ZNF385B: variants seen among roughly 807,000 people sequenced by gnomAD.
The protein encoded by ZNF385B is zinc finger protein 533.
In ZNF385B, 23 loss-of-function variants were observed where a neutral mutation model predicts 39.2. The observed-to-expected ratio is 0.59, with a 90% CI of 0.42 to 0.83. The LOEUF (loss-of-function observed/expected upper bound fraction) is 0.83. ZNF385B is among the 40% of genes least tolerant of loss of function. The probability of loss-of-function intolerance (pLI) is 0.00; values close to 1 mark genes in which losing one functional copy is unlikely to be tolerated. For missense variants in ZNF385B, 552 were observed against 598.9 expected (o/e 0.92, Z 0.82); for synonymous variants, 205 against 222.6 (o/e 0.92, Z 0.70).
intron 3 of ZNF385B, among the ~76,000 whole-genome samples, chr2:179,594,380 TTTAG>T (rs1687820257): frequency 6.6e-6 from 1 of 152,196 alleles, no homozygotes; most frequent in African/African-American, 2.4e-5. Flanking sequence ...AGTATGCTAA[TTTAG>T]TCATGGTCAA....
intron 1 of ZNF385B, among the ~76,000 whole-genome samples, chr2:179,811,641 A>T (rs896093838): frequency 7.9e-5 from 12 of 152,188 alleles, no homozygotes; most frequent in African/African-American, 2.9e-4. Context: ...AACATGTACA[A>T]AAATTAACAC....
chr2:179,822,155 A>G (rs928080829), intron 1 of ZNF385B, among the ~76,000 whole-genome samples: 3 of 152,190 alleles, frequency 2.0e-5, no homozygotes, highest in African/African-American at 7.2e-5. Flanking sequence ...TTAAGGCAAT[A>G]AGTTAAATAG....
At chr2:179,770,053 C>T (rs187938367) in intron 2 of ZNF385B, among the ~76,000 whole-genome samples, 4 of 152,236 alleles carry the variant, frequency 2.6e-5, no homozygotes. Flanking sequence ...ATCCTTGCCC[C>T]TCTTCCCATC....
intron 3 of ZNF385B, among the ~76,000 whole-genome samples, chr2:179,719,351 C>T (rs981766451): frequency 6.6e-6 from 1 of 152,194 alleles, no homozygotes; most frequent in Non-Finnish European, 1.5e-5. Context: ...TTTCAGTGCT[C>T]CCTGCACCCA....
At chr2:179,557,252 T>C (rs2060968013) in intron 3 of ZNF385B, among the ~76,000 whole-genome samples, 1 of 149,446 alleles carries the variant, frequency 6.7e-6, no homozygotes, top group Non-Finnish European at 1.5e-5. Context: ...CATTACCTTC[T>C]TTAAAAATTC....
In ZNF385B at chr2:179,627,023, T is replaced by A. The variant is rs182762698; in HGVS notation, c.299-82054A>T. 1.7e-3 allele frequency among the ~76,000 whole-genome samples: 256 copies of A among 152,340 alleles called. 3 individuals are homozygous for A. Among genetic ancestry groups the A allele is most frequent in the Non-Finnish European group, 3.7e-4 (25 of 68,024 alleles). Reference sequence around the variant, plus strand: ...GTCTAAGATAATACTTAATTGTTACTGTGTACTTGCAATTCCAGATCACAT... The same window carrying A: ...GTCTAAGATAATACTTAATTGTTACAGTGTACTTGCAATTCCAGATCACAT... On this transcript the variant is annotated intron_variant, in intron 3 of 9. Coordinates refer to ENST00000410066, the MANE Select transcript of ZNF385B (RefSeq NM_152520.6).
At chr2:179,637,679 A>G (rs1470853927) in intron 3 of ZNF385B, among the ~76,000 whole-genome samples, 1 of 139,208 alleles carries the variant, frequency 7.2e-6, no homozygotes, top group African/African-American at 2.6e-5. Flanking sequence ...AGGCAGTGAA[A>G]GGATAACAAA....
In ZNF385B at chr2:179,750,339, T is replaced by C. The variant is rs534782518; in HGVS notation, c.298+19164A>G. ...ATTAAATTTATCTGGGGAGAACAGA[T>C]AAAGGGTACCAACTCTTATCCTTGC... On this transcript the variant is annotated intron_variant, in intron 3 of 9. Coordinates refer to ENST00000410066, the MANE Select transcript of ZNF385B (RefSeq NM_152520.6). Among the ~76,000 whole-genome samples the C allele has an allele frequency of 2.0e-5, 3 of 152,228 alleles. No homozygotes were observed. The South Asian group carries it at 6.2e-4, about 32-fold the overall frequency.
chr2:179,512,876 A>G (rs1318192017), intron 5 of ZNF385B, among the ~76,000 whole-genome samples: 1 of 152,202 alleles, frequency 6.6e-6, no homozygotes, highest in East Asian at 1.9e-4. Flanking sequence ...GCTCATTTAC[A>G]TAACTGTGTA....
intron 1 of ZNF385B, among the ~76,000 whole-genome samples, chr2:179,808,188 A>G (rs1419649551): frequency 6.6e-6 from 1 of 151,846 alleles, no homozygotes; most frequent in Non-Finnish European, 1.5e-5. Context: ...GCACGCCGCC[A>G]CGCCTGGCTA....
chr2:179,760,022 C>T (rs1334313489), intron 3 of ZNF385B, among the ~76,000 whole-genome samples: 3 of 150,752 alleles, frequency 2.0e-5, no homozygotes, highest in Non-Finnish European at 4.4e-5. Flanking sequence ...TTCTTGAACA[C>T]CTTGCCCAGC....
chr2:179,669,271 G>A (rs891759452), intron 3 of ZNF385B, among the ~76,000 whole-genome samples: 5 of 152,112 alleles, frequency 3.3e-5, no homozygotes, highest in African/African-American at 1.2e-4. Flanking sequence ...CCCTGCAGCC[G>A]GACCCTTTAA....
chr2:179,709,431 C>T (rs993274154), intron 3 of ZNF385B, among the ~76,000 whole-genome samples: 1 of 152,186 alleles, frequency 6.6e-6, no homozygotes, highest in Non-Finnish European at 1.5e-5. Context: ...TAGGGCACCC[C>T]CTTTGGGGTG....
At chr2:179,469,222 C>T (rs1295757949) in intron 6 of ZNF385B, among the ~76,000 whole-genome samples, 1 of 152,124 alleles carries the variant, frequency 6.6e-6, no homozygotes, top group Non-Finnish European at 1.5e-5. Flanking sequence ...TTCCCTGGGC[C>T]ACACTGGAAG....
chr2:179,490,479 C>G (rs1184227933), intron 5 of ZNF385B, among the ~76,000 whole-genome samples: 1 of 152,064 alleles, frequency 6.6e-6, no homozygotes, highest in Admixed American at 6.6e-5. Flanking sequence ...GCTCATGTTT[C>G]TTGCCCATGA....
chr2:179,791,173 C>A (rs1024771975), intron 1 of ZNF385B, among the ~76,000 whole-genome samples: 1 of 152,206 alleles, frequency 6.6e-6, no homozygotes, highest in Non-Finnish European at 1.5e-5. Flanking sequence ...TGATTCCGAT[C>A]TACATGAACA....
At chr2:179,587,045 AC>A (rs1687144059) in intron 3 of ZNF385B, among the ~76,000 whole-genome samples, 1 of 152,160 alleles carries the variant, frequency 6.6e-6, no homozygotes, top group African/African-American at 2.4e-5. Flanking sequence ...TCTCAAAAAA[AC>A]AAACAAAAAA....
rs371583251 is a variant in ZNF385B at position 179,725,751 on chromosome 2, A to AT, written c.298+43751dup. 3.8e-3 allele frequency among the ~76,000 whole-genome samples: 568 copies of AT among 151,424 alleles called. 3 individuals carry two copies. Among genetic ancestry groups the AT allele is most frequent in the South Asian group, 0.018 (85 of 4,818 alleles). On this transcript the variant is annotated intron_variant, in intron 3 of 9. Transcript: ENST00000410066. ...GCTAAAAGGTAGATATTTGATAGCA[A>AT]TGACTATGTTCCAACTGATAAGATG...
intron 5 of ZNF385B, among the ~76,000 whole-genome samples, chr2:179,496,627 T>C (rs572792915): frequency 6.6e-6 from 1 of 152,252 alleles, no homozygotes; most frequent in African/African-American, 2.4e-5. Context: ...AGAGCTCCAA[T>C]ACATCTGCCA....
Sources: gnomAD v4.1 joint callset for allele counts (sites outside exome capture counted in the v4.1 genomes callset) on GRCh38, gnomAD v4.1.1 for gene constraint, MANE v1.5 for transcripts, NCBI Gene and HGNC (gene_info 2026-07-23, HGNC 2026-07-21) for gene names.